Variants in PTPRF observed in about 807,000 individuals in gnomAD.
PTPRF encodes receptor-type tyrosine-protein phosphatase F.
In PTPRF, 59 loss-of-function variants were observed where a neutral mutation model predicts 201.8. That is an observed-to-expected ratio of 0.29 (90% CI 0.24 to 0.36). The LOEUF is 0.36. Ranked by LOEUF, PTPRF falls within the 10% of genes least tolerant of loss-of-function variation. The pLI, the probability that PTPRF is intolerant of heterozygous loss-of-function variation, is 1.00. For synonymous variants in PTPRF, 1,088 were observed against 1,089.7 expected (o/e 1.00, Z 0.03); for missense variants, 2,132 against 2,690.5 (o/e 0.79, Z 4.59).
upstream of PTPRF, chr1:43,530,753 C>G (rs1309117168): frequency 2.6e-5 from 4 of 152,860 alleles, no homozygotes; most frequent in African/African-American, 9.7e-5. This position sits in a 1 kb window ranked among gnomAD's most constrained non-coding sequence, Gnocchi z 4.1. Context: ...CCTGTCTGGG[C>G]CTCAGCGGCT....
intron 2 of PTPRF, among the ~76,000 whole-genome samples, chr1:43,539,056 T>C (rs1199233369): frequency 1.3e-5 from 2 of 152,208 alleles, no homozygotes; most frequent in Non-Finnish European, 2.9e-5. Context: ...GAATGCCTGC[T>C]GTGAAATAAA....
At chr1:43,575,306 C>T (rs1340612454) in intron 6 of PTPRF, among the ~76,000 whole-genome samples, 1 of 152,138 alleles carries the variant, frequency 6.6e-6, no homozygotes, top group African/African-American at 2.4e-5. Context: ...TGGGGAAGTT[C>T]AGTAGTCCCC....
In PTPRF at chr1:43,537,566, C is replaced by G. The variant is rs957041884; in HGVS notation, c.-125-632C>G. Among the ~76,000 whole-genome samples, 2 of 152,310 alleles carry G rather than the reference C, an allele frequency of 1.3e-5. No individual in the cohort carries two copies. The highest frequency in any genetic ancestry group is 4.8e-5 in the African/African-American group (2 of 41,558). The stretch of plus-strand genomic sequence containing the variant: ...GCTCCTATCAAGCTTATGGTAGTGA[C>G]TCAGTAATTGTAAAAATATATAAAT... On this transcript the variant is annotated intron_variant, in intron 1 of 33. Coordinates refer to ENST00000359947, the MANE Select transcript of PTPRF (RefSeq NM_002840.5). This position sits in a 1 kb window ranked among gnomAD's most constrained non-coding sequence, Gnocchi z 4.8.
intron 7 of PTPRF, among the ~76,000 whole-genome samples, chr1:43,584,616 A>G (rs1041133958): frequency 1.3e-4 from 19 of 151,878 alleles, no homozygotes; most frequent in Admixed American, 1.1e-3. Context: ...GAAGGCAGAC[A>G]TGAGTTTCTA....
In PTPRF at chr1:43,619,570, C is replaced by T. The variant is rs1658696238; in HGVS notation, c.4929C>T (p.Phe1643=). The change falls in exon 28 of 34, where the codon TTC becomes TTT. Residue 1643 remains phenylalanine, a synonymous_variant. Coordinates refer to ENST00000359947, the MANE Select transcript of PTPRF (RefSeq NM_002840.5). ...GTGTGACCGCCATGGAGCTCGAGTT[C>T]AAGGTGGGGCTCGGGTGGGCCTGCT... ...GESVTAMELE[F]KLLASSKAHT... 6.2e-7 allele frequency: 1 copy of T among 1,611,602 alleles called. No homozygotes were observed. The highest frequency in any genetic ancestry group is 8.5e-7 in the Non-Finnish European group (1 of 1,178,112).
chr1:43,562,652 T>C (rs1645886961), intron 5 of PTPRF, among the ~76,000 whole-genome samples: 1 of 151,864 alleles, frequency 6.6e-6, no homozygotes, highest in South Asian at 2.1e-4. Context: ...CCTCAAGTGA[T>C]TTGCCCGTTT....
Position 43,588,695 on chromosome 1 carries a change from C to A in PTPRF, c.680-36C>A. On this transcript the variant is annotated intron_variant, in intron 7 of 33. Coordinates refer to ENST00000359947, the MANE Select transcript of PTPRF (RefSeq NM_002840.5). The surrounding 1 kb of genome is among the most constrained non-coding windows in gnomAD (Gnocchi z 5.3). The stretch of plus-strand genomic sequence containing the variant: ...CCCTTCCATGCAGTCGTGTGTCCTG[C>A]CCGGCCTGTGAGTGCCTCTCTCCCT... The A allele has an allele frequency of 6.2e-7, 1 of 1,607,086 alleles. No homozygotes were observed.
intron 22 of PTPRF, among the ~76,000 whole-genome samples, chr1:43,610,195 G>T (rs1656115307): frequency 2.0e-5 from 3 of 152,290 alleles, no homozygotes; most frequent in Non-Finnish European, 2.9e-5. Flanking sequence ...GCTCTGTGGT[G>T]CCAGGAACTG....
Position 43,591,167 on chromosome 1 carries a change from T to C in PTPRF, c.1145T>C (p.Phe382Ser), listed in dbSNP as rs1415425444. The C allele has an allele frequency of 1.9e-6, 3 of 1,613,040 alleles. No homozygotes were observed. The South Asian group carries it at 3.3e-5, about 18-fold the overall frequency. ...TACAGCATTGGCGGCCTCAGCCCTT[T>C]CTCGGAATATGCCTTCCGCGTGCTG... ...TRYSIGGLSP[F>S]SEYAFRVLAV... The change falls in exon 9 of 34, where the codon TTC becomes TCC. Residue 382 changes from phenylalanine to serine, a missense_variant. Coordinates refer to ENST00000359947, the MANE Select transcript of PTPRF (RefSeq NM_002840.5).
Position 43,553,815 on chromosome 1 carries a change from G to A in PTPRF, c.253G>A (p.Asp85Asn). Residue 85 changes from aspartate (D) to asparagine (N), a missense_variant, in exon 5 of 34, where the codon GAT (aspartate) becomes AAT (asparagine). By Grantham distance (23) the Asp-to-Asn change is conservative. Around this residue, in one of 6 missense-constraint regions of PTPRF, gnomAD observed 297 missense variants for 454.0 expected, o/e 0.65. Coordinates refer to ENST00000359947, the MANE Select transcript of PTPRF (RefSeq NM_002840.5). This position sits in a 1 kb window ranked among gnomAD's most constrained non-coding sequence, Gnocchi z 4.1. ...SQRFEVIEFDDGAGSVLRIQP... is the reference protein window; with the variant it reads ...SQRFEVIEFDNGAGSVLRIQP... ...CCTCTGACAGGTCATTGAGTTTGATGATGGGGCAGGGTCAGTGCTTCGGAT... is the reference window on the plus strand; with the variant it reads ...CCTCTGACAGGTCATTGAGTTTGATAATGGGGCAGGGTCAGTGCTTCGGAT... 1 of 1,614,218 alleles carries A rather than the reference G, an allele frequency of 6.2e-7. No homozygotes were observed. Among genetic ancestry groups the A allele is most frequent in the South Asian group, 1.1e-5 (1 of 91,084 alleles).
intron 5 of PTPRF, among the ~76,000 whole-genome samples, chr1:43,567,719 C>T (rs545560851): frequency 1.3e-5 from 2 of 152,332 alleles, no homozygotes; most frequent in African/African-American, 4.8e-5. Flanking sequence ...CCAAGAGGCT[C>T]CAGGGAGGGC....
Position 43,553,989 on chromosome 1 carries a change from G to C in PTPRF, c.379+48G>C. The C allele has an allele frequency of 6.2e-7, 1 of 1,605,234 alleles. No homozygotes were observed. Among genetic ancestry groups the C allele is most frequent in the East Asian group, 2.2e-5 (1 of 44,714 alleles). ...ACGGTGGGCTGCCGGGCTGAGGCGT[G>C]GGAAGAGCCAGCCAGCCCTGATCCT... On this transcript the variant is annotated intron_variant, in intron 5 of 33. Coordinates refer to ENST00000359947, the MANE Select transcript of PTPRF (RefSeq NM_002840.5). The surrounding 1 kb of genome is among the most constrained non-coding windows in gnomAD (Gnocchi z 4.1).
intron 5 of PTPRF, among the ~76,000 whole-genome samples, chr1:43,565,177 C>G (rs1646072928): frequency 6.6e-6 from 1 of 152,190 alleles, no homozygotes; most frequent in South Asian, 2.1e-4. Flanking sequence ...ACCAAGATAG[C>G]AAGTGAGCTG....
intron 5 of PTPRF, 125 bp from the exon 6 acceptor site, chr1:43,569,465 G>A: frequency 1.0e-6 from 1 of 956,836 alleles, no homozygotes; most frequent in Admixed American, 2.6e-5. Flanking sequence ...ATGCTTAGAA[G>A]TCAAGGAAAG....
Position 43,567,012 on chromosome 1 carries a change from C to T in PTPRF, c.380-2578C>T, listed in dbSNP as rs373251367. ...AAGGAATTCAGAGTAGATTCCGAGA[C>T]ACAGGGCTGCACACATTTGTACTTC... is the stretch of plus-strand genomic sequence containing the variant. On this transcript the variant is annotated intron_variant, in intron 5 of 33. Transcript: ENST00000359947. Among the ~76,000 whole-genome samples, 131 of 152,334 alleles carry T rather than the reference C, an allele frequency of 8.6e-4. 3 individuals are homozygous for T. The South Asian group carries it at 0.027, about 31-fold the overall frequency.
chr1:43,544,902 T>G, intron 2 of PTPRF, 129 bp from the exon 3 acceptor site: 1 of 603,112 alleles, frequency 1.7e-6, no homozygotes, highest in Non-Finnish European at 2.9e-6. Flanking sequence ...ACAGCCCAAG[T>G]GGGGGGCTCT....
rs1048227923 is a variant in PTPRF at position 43,609,506 on chromosome 1, A to G, written c.3973+8A>G. The G allele has an allele frequency of 1.2e-6, 2 of 1,607,810 alleles. No homozygotes were observed. The highest frequency in any genetic ancestry group is 1.7e-6 in the Non-Finnish European group (2 of 1,176,360). On this transcript the variant is annotated splice_region_variant and intron_variant, in intron 22 of 33. Transcript: ENST00000359947. ...TCAACTACCAGACCCCAGGTAGGGC[A>G]CTCCTATGGCCTGTGTGCCCCCAGC...
At position 43,603,553 on chromosome 1, in the gene PTPRF, G is replaced by A. The variant is rs368810591; in HGVS notation, c.2458+20G>A. The stretch of plus-strand genomic sequence containing the variant: ...GTGCAGGTGAGTGAGGGGTCAGGAC[G>A]GACCTGAGGGTGGGGCAGCAGGAGG... On this transcript the variant is annotated intron_variant, in intron 15 of 33. Coordinates refer to ENST00000359947, the MANE Select transcript of PTPRF (RefSeq NM_002840.5). The surrounding 1 kb of genome is among the most constrained non-coding windows in gnomAD (Gnocchi z 5.8). 42 of 1,612,660 alleles carry A rather than the reference G, an allele frequency of 2.6e-5. No individual in the cohort carries two copies. The African/African-American group carries it at 3.8e-4, about 14-fold the overall frequency.
Position 43,553,284 on chromosome 1 carries a change from G to A in PTPRF, c.92-208G>A, listed in dbSNP as rs933182402. ...CTCTGGGCCTCTAGAAACAGATACA[G>A]TTATAGCACTCACCTCATATGCTTA... is the stretch of plus-strand genomic sequence containing the variant. On this transcript the variant is annotated intron_variant, in intron 3 of 33. Coordinates refer to ENST00000359947, the MANE Select transcript of PTPRF (RefSeq NM_002840.5). This position sits in a 1 kb window ranked among gnomAD's most constrained non-coding sequence, Gnocchi z 4.1. Among the ~76,000 whole-genome samples the A allele has an allele frequency of 2.0e-5, 3 of 152,182 alleles. No homozygotes were observed. Among genetic ancestry groups the A allele is most frequent in the Admixed American group, 1.3e-4 (2 of 15,286 alleles).
Sources: gnomAD v4.1 joint callset for allele counts (sites outside exome capture counted in the v4.1 genomes callset) on GRCh38, gnomAD v4.1.1 for gene constraint, gnomAD v4.1.1 regional missense constraint, Gnocchi (gnomAD v3.1) non-coding constraint, MANE v1.5 for transcripts, NCBI Gene and HGNC (gene_info 2026-07-23, HGNC 2026-07-21) for gene names.